Variants in CCDC50 observed in about 807,000 individuals in gnomAD.
CCDC50 encodes the protein coiled-coil domain containing 50, also known as coiled-coil domain-containing protein 50.
Under a neutral mutation model 70.2 loss-of-function variants are expected in CCDC50, and 54 were observed. The observed-to-expected ratio is 0.77, with a 90% CI of 0.62 to 0.96. CCDC50 has a LOEUF of 0.96. Among genes scored for constraint, CCDC50 ranks in the 50% least tolerant of loss-of-function variants. CCDC50 has a pLI of 0.00. For synonymous variants in CCDC50, 216 were observed against 198.8 expected (o/e 1.09, Z -0.73); for missense variants, 558 against 578.7 (o/e 0.96, Z 0.37).
At chr3:191,342,392 G>A (rs1171006930) in intron 1 of CCDC50, among the ~76,000 whole-genome samples, 6 of 152,180 alleles carry the variant, frequency 3.9e-5, no homozygotes, top group African/African-American at 1.4e-4. Flanking sequence ...CTAATAGGAA[G>A]GAAAGTGCTA....
intron 6 of CCDC50, 90 bp downstream of exon 6, chr3:191,375,679 T>C: frequency 7.5e-7 from 1 of 1,325,672 alleles, no homozygotes; most frequent in Non-Finnish European, 1.1e-6. Flanking sequence ...CAACCTTTCT[T>C]TCTCTCTAGT....
intron 1 of CCDC50, among the ~76,000 whole-genome samples, chr3:191,348,743 A>C (rs918374921): frequency 7.0e-6 from 1 of 142,426 alleles, no homozygotes; most frequent in Non-Finnish European, 1.6e-5. Context: ...TTATTTGCTT[A>C]GCTTCAGCCA....
intron 3 of CCDC50, 85 bp from the exon 4 acceptor site, chr3:191,360,984 A>G (rs1441227339): frequency 3.4e-6 from 3 of 875,258 alleles, no homozygotes; most frequent in Non-Finnish European, 5.7e-6. Flanking sequence ...TCATATAGTG[A>G]GTATTCAATA....
rs191487261 is a variant in CCDC50, at chr3:191,365,722, G to A, written c.331-4197G>A. Among the ~76,000 whole-genome samples, 181 of 152,160 alleles carry A rather than the reference G, an allele frequency of 1.2e-3. 2 individuals are homozygous for A. Among genetic ancestry groups the A allele is most frequent in the Admixed American group, 1.8e-3 (27 of 15,290 alleles). ...CACATTTTAAAATCACCTTTTGATT[G>A]TTTTTAAACTCCAGATTTCCTCTTT... is the stretch of plus-strand genomic sequence containing the variant. On this transcript the variant is annotated intron_variant, in intron 4 of 11. Transcript: ENST00000392455.
chr3:191,362,672 A>G (rs542837891), intron 4 of CCDC50, among the ~76,000 whole-genome samples: 1 of 152,350 alleles, frequency 6.6e-6, no homozygotes, highest in South Asian at 2.1e-4. Flanking sequence ...ACTTATGATC[A>G]TCATGTTAAA....
intron 1 of CCDC50, among the ~76,000 whole-genome samples, chr3:191,338,817 T>G (rs769928027): frequency 6.6e-6 from 1 of 152,218 alleles, no homozygotes; most frequent in Non-Finnish European, 1.5e-5. Flanking sequence ...GTCAGAGTGG[T>G]CTCCTTTGGA....
intron 1 of CCDC50, among the ~76,000 whole-genome samples, chr3:191,344,601 C>T (rs1490104006): frequency 6.6e-5 from 10 of 152,106 alleles, no homozygotes; most frequent in South Asian, 2.1e-4. Context: ...GTTTTGGAGA[C>T]GGAGTCTCGC....
At position 191,369,976 on chromosome 3, in the gene CCDC50, C is replaced by A; in HGVS notation, c.388C>A (p.His130Asn). 1 of 1,613,570 alleles carries A rather than the reference C, an allele frequency of 6.2e-7. No homozygotes were observed. The highest frequency in any genetic ancestry group is 8.5e-7 in the Non-Finnish European group (1 of 1,179,654). ...ACAGGAAGAGAAAAAGAGAAAGAAA[C>A]ACTTTCCAGAGTTCCCTGCAACCCG... ...ELQEEKKRKK[H>N]FPEFPATRAY... Residue 130 changes from histidine to asparagine, a missense_variant, in exon 5 of 12, where the codon CAC (histidine) becomes AAC (asparagine). Coordinates refer to ENST00000392455, the MANE Select transcript of CCDC50 (RefSeq NM_178335.3).
intron 4 of CCDC50, among the ~76,000 whole-genome samples, chr3:191,366,245 T>A (rs1298992661): frequency 6.6e-6 from 1 of 152,168 alleles, no homozygotes; most frequent in Non-Finnish European, 1.5e-5. Context: ...AGCTAAAGAA[T>A]TTGACACAGG....
chr3:191,342,014 A>G (rs1361632019), intron 1 of CCDC50, among the ~76,000 whole-genome samples: 2 of 152,198 alleles, frequency 1.3e-5, no homozygotes, highest in African/African-American at 4.8e-5. Flanking sequence ...AACTGATTTG[A>G]TTCTAGGAAT....
intron 3 of CCDC50, among the ~76,000 whole-genome samples, chr3:191,359,130 G>A (rs1029094651): frequency 1.3e-5 from 2 of 152,166 alleles, no homozygotes; most frequent in East Asian, 1.9e-4. Context: ...CTAGAGATAC[G>A]TGCATGAGTC....
intron 1 of CCDC50, among the ~76,000 whole-genome samples, chr3:191,333,606 T>C (rs1379219726): frequency 1.3e-5 from 2 of 152,206 alleles, no homozygotes; most frequent in Non-Finnish European, 2.9e-5. Flanking sequence ...GTTTATGTCT[T>C]AGTTATCTTG....
rs1291717143 is a variant in CCDC50 at position 191,375,192 on chromosome 3, G to A, written c.579G>A (p.Glu193=). ...KPEHPLENLE[E]PEQHCSSKRS... The stretch of plus-strand genomic sequence containing the variant: ...AACATCCACTGGAGAACTTGGAAGA[G>A]CCAGAACAACATTGTTCATCGAAGA... Residue 193 remains glutamate (E), a synonymous_variant, in exon 6 of 12, where the codon GAG becomes GAA. Transcript: ENST00000392455. The A allele has an allele frequency of 1.9e-6, 3 of 1,613,796 alleles. No individual in the cohort carries two copies. In the East Asian group the frequency reaches 6.7e-5, roughly 36 times the overall value.
intron 10 of CCDC50, among the ~76,000 whole-genome samples, chr3:191,385,453 C>T (rs566618255): frequency 2.0e-5 from 3 of 152,130 alleles, no homozygotes; most frequent in South Asian, 4.1e-4. Flanking sequence ...GCTTGTATTT[C>T]TTTTGAGAAG....
rs558732506 is a variant in CCDC50 at position 191,374,354 on chromosome 3, G to C, written c.449-708G>C. 2.8e-4 allele frequency among the ~76,000 whole-genome samples: 43 copies of C among 152,168 alleles called. No individual in the cohort carries two copies. The South Asian group carries it at 6.9e-3, about 24-fold the overall frequency. On this transcript the variant is annotated intron_variant, in intron 5 of 11. Transcript: ENST00000392455. ...ACTCCTTTTTATATATTCCATCAAG[G>C]CAACCCTTTAAATTTTTTTCCTTTG...
intron 1 of CCDC50, among the ~76,000 whole-genome samples, chr3:191,334,452 C>T (rs1718079265): frequency 6.6e-6 from 1 of 152,088 alleles, no homozygotes; most frequent in Admixed American, 6.6e-5. Context: ...TTAATTGGTA[C>T]TTTAAAAAGA....
chr3:191,358,548 C>T (rs1466919023), intron 3 of CCDC50, among the ~76,000 whole-genome samples: 1 of 152,186 alleles, frequency 6.6e-6, no homozygotes, highest in Non-Finnish European at 1.5e-5. Flanking sequence ...GTTTGCCGCT[C>T]TTACTTTCCT....
rs1482222782 is a variant in CCDC50 at position 191,395,340 on chromosome 3, C to A, written c.*3580C>A. ...GATTATTAATTTTCTTTAATAGTTT[C>A]TGTCAAAACTTGTCTAAAATTTGTG... On this transcript the variant is annotated 3_prime_UTR_variant, in exon 12 of 12. Coordinates refer to ENST00000392455, the MANE Select transcript of CCDC50 (RefSeq NM_178335.3). 2 of 152,134 alleles carry A rather than the reference C, an allele frequency of 1.3e-5. No homozygotes were observed. The highest frequency in any genetic ancestry group is 4.8e-5 in the African/African-American group (2 of 41,434). 9.4% of individuals were successfully genotyped at this position (152,134 alleles called of 1,614,324 possible).
rs1465518058 is a variant in CCDC50 at position 191,392,857 on chromosome 3, C to G, written c.*1097C>G. On this transcript the variant is annotated 3_prime_UTR_variant, in exon 12 of 12. Transcript: ENST00000392455. Reference sequence around the variant, plus strand: ...GGCTGGAGCAATTCCCCTGCCTCAGCCTCCCAAGTAGCTGGAATTACAGGC... The same window carrying G: ...GGCTGGAGCAATTCCCCTGCCTCAGGCTCCCAAGTAGCTGGAATTACAGGC... 1 of 152,334 alleles carries G rather than the reference C, an allele frequency of 6.6e-6. No individual in the cohort carries two copies. The highest frequency in any genetic ancestry group is 1.9e-4 in the East Asian group (1 of 5,206). The allele number at this position is 152,334 out of a possible 1,614,324, so 9.4% of individuals were successfully genotyped here.
Sources: allele counts gnomAD v4.1 joint callset (sites outside exome capture counted in the v4.1 genomes callset), GRCh38; gene constraint gnomAD v4.1.1; transcripts MANE v1.5; gene names NCBI Gene and HGNC (gene_info 2026-07-23, HGNC 2026-07-21).